ACSBG2: variants seen among roughly 807,000 people sequenced by gnomAD.
The protein encoded by ACSBG2 is long-chain-fatty-acid--CoA ligase ACSBG2.
Under a neutral mutation model 74.7 loss-of-function variants are expected in ACSBG2, and 62 were observed. The observed-to-expected ratio is 0.83, with a 90% CI of 0.68 to 1.03. The LOEUF is 1.03. Ranked by LOEUF, ACSBG2 falls within the 50% of genes least tolerant of loss-of-function variation. ACSBG2 has a pLI of 0.00. For synonymous variants in ACSBG2, 309 were observed against 294.1 expected, an observed-to-expected ratio of 1.05 and a Z score of -0.52; for missense variants, 730 against 817.6, an observed-to-expected ratio of 0.89 and a Z score of 1.31.
intron 7 of ACSBG2, among the ~76,000 whole-genome samples, chr19:6,173,326 G>A (rs1283106494): frequency 6.6e-6 from 1 of 152,182 alleles, no homozygotes; most frequent in Non-Finnish European, 1.5e-5. Context: ...CACCACAGGT[G>A]CACAACCAGT....
chr19:6,186,555 G>GAA (rs142228931), intron 11 of ACSBG2, among the ~76,000 whole-genome samples: 131 of 152,064 alleles, frequency 8.6e-4, no homozygotes, highest in African/African-American at 3.0e-3. Flanking sequence ...TAGGTTTGAG[G>GAA]AAAAAAATAA....
At chr19:6,140,048 CCA>C (rs1485378452) in intron 1 of ACSBG2, among the ~76,000 whole-genome samples, 6 of 151,988 alleles carry the variant, frequency 3.9e-5, no homozygotes, top group African/African-American at 1.4e-4. Flanking sequence ...ACGGTGAAAC[CCA>C]GTCTCTACTA....
chr19:6,160,389 C>CA (rs1007071793), intron 5 of ACSBG2, among the ~76,000 whole-genome samples: 6,770 of 59,162 alleles, frequency 0.11, 239 homozygotes, highest in African/African-American at 0.15. Flanking sequence ...GACTCCGTCT[C>CA]AAAAAAAAAA....
At chr19:6,181,242 G>GAAAAAA (rs1568249979) in intron 8 of ACSBG2, among the ~76,000 whole-genome samples, 4 of 115,854 alleles carry the variant, frequency 3.5e-5, no homozygotes, top group African/African-American at 1.1e-4. Context: ...AAAAAAAAAG[G>GAAAAAA]AAAGGAAAGG....
chr19:6,139,556 T>G (rs1317002473), intron 1 of ACSBG2, among the ~76,000 whole-genome samples: 1 of 152,228 alleles, frequency 6.6e-6, no homozygotes, highest in Non-Finnish European at 1.5e-5. Context: ...TGGAAACTTT[T>G]AGAGTTCATA....
At chr19:6,141,160 T>C (rs2088814809) in intron 1 of ACSBG2, among the ~76,000 whole-genome samples, 1 of 152,228 alleles carries the variant, frequency 6.6e-6, no homozygotes, top group Non-Finnish European at 1.5e-5. Flanking sequence ...CTTTGAGTTT[T>C]CATGTTAATA....
intron 2 of ACSBG2, among the ~76,000 whole-genome samples, chr19:6,144,408 CAT>C (rs1393845251): frequency 1.3e-5 from 2 of 152,184 alleles, no homozygotes; most frequent in African/African-American, 4.8e-5. Context: ...CGGAGAATGT[CAT>C]GTGAGGATCG....
chr19:6,162,566 CAAAAAAA>C (rs58138677), intron 6 of ACSBG2, among the ~76,000 whole-genome samples: 4 of 84,206 alleles, frequency 4.8e-5, no homozygotes, highest in Non-Finnish European at 9.0e-5. Flanking sequence ...GACTCCGTCT[CAAAAAAA>C]AAAAAAAAAA....
At chr19:6,146,070 AT>A (rs1479138825) in intron 2 of ACSBG2, among the ~76,000 whole-genome samples, 1 of 152,226 alleles carries the variant, frequency 6.6e-6, no homozygotes, top group Non-Finnish European at 1.5e-5. Context: ...CTTTAAAAAA[AT>A]CTCCGTAAAT....
At position 6,147,423 on chromosome 19, in the gene ACSBG2, C is replaced by T. The variant is rs749549988; in HGVS notation, c.68-23C>T. On this transcript the variant is annotated intron_variant, in intron 2 of 14. Transcript: ENST00000588485. ...TTAAATAAATAAAAACATTTGCCACCCAACTCTGGTGACTATTTGCAGTTA... is the reference window on the plus strand; with the variant it reads ...TTAAATAAATAAAAACATTTGCCACTCAACTCTGGTGACTATTTGCAGTTA... 7 of 1,597,564 alleles carry T rather than the reference C, an allele frequency of 4.4e-6. No homozygotes were observed. In the South Asian group the frequency reaches 7.7e-5, roughly 18 times the overall value.
chr19:6,142,453 C>T (rs1414641533), intron 2 of ACSBG2, among the ~76,000 whole-genome samples: 13 of 151,772 alleles, frequency 8.6e-5, no homozygotes, highest in Admixed American at 7.9e-4. Context: ...AGAAACAAGT[C>T]AGAAAATAGT....
chr19:6,138,488 G>C (rs1345161905), intron 1 of ACSBG2, among the ~76,000 whole-genome samples: 1 of 143,764 alleles, frequency 7.0e-6, no homozygotes, highest in Non-Finnish European at 1.5e-5. Context: ...GAGGGGAAGG[G>C]GGAAGGGGGA....
chr19:6,173,342 G>C (rs2090011573), intron 7 of ACSBG2, among the ~76,000 whole-genome samples: 1 of 152,162 alleles, frequency 6.6e-6, no homozygotes, highest in South Asian at 2.1e-4. Context: ...CCAGTGTGGT[G>C]CCTGCTGTCT....
At chr19:6,187,871 T>G (rs758337462) in intron 13 of ACSBG2, 26 bp downstream of exon 13, 1 of 1,610,188 alleles carries the variant, frequency 6.2e-7, no homozygotes, top group Non-Finnish European at 8.5e-7. Flanking sequence ...ATTTGGAGGC[T>G]GGTCCCTTGT....
chr19:6,171,143 G>A (rs1344153454), intron 7 of ACSBG2, among the ~76,000 whole-genome samples: 1 of 151,988 alleles, frequency 6.6e-6, no homozygotes, highest in African/African-American at 2.4e-5. Context: ...GAAGGCAGCA[G>A]CAGGTTGGGT....
chr19:6,188,745 T>C (rs1159139416), intron 13 of ACSBG2, among the ~76,000 whole-genome samples: 1 of 152,172 alleles, frequency 6.6e-6, no homozygotes, highest in Non-Finnish European at 1.5e-5. Flanking sequence ...GCTGGGGTTT[T>C]AAGGGGATCT....
chr19:6,159,145 A>T (rs1013814292), intron 5 of ACSBG2, among the ~76,000 whole-genome samples: 1 of 152,104 alleles, frequency 6.6e-6, no homozygotes, highest in African/African-American at 2.4e-5. Context: ...TTTTGTCAAG[A>T]CTGGATTTCG....
At chr19:6,183,789 A>G (rs1453749051) in intron 10 of ACSBG2, among the ~76,000 whole-genome samples, 1 of 152,100 alleles carries the variant, frequency 6.6e-6, no homozygotes, top group Non-Finnish European at 1.5e-5. Flanking sequence ...ATCTTTTCAT[A>G]CATGTGTTTA....
chr19:6,188,204 G>A (rs1474551892), intron 13 of ACSBG2, among the ~76,000 whole-genome samples: 1 of 152,082 alleles, frequency 6.6e-6, no homozygotes, highest in East Asian at 1.9e-4. Context: ...TCCTTGCCTG[G>A]ATGGCTTCTT....
Sources: gnomAD v4.1 joint callset for allele counts (sites outside exome capture counted in the v4.1 genomes callset) on GRCh38, gnomAD v4.1.1 for gene constraint, MANE v1.5 for transcripts, NCBI Gene and HGNC (gene_info 2026-07-23, HGNC 2026-07-21) for gene names.